The following OR6J1 variants were observed in gnomAD, a reference collection of about 807,000 sequenced individuals.
OR6J1 encodes the protein olfactory receptor 6J1.
For missense variants in OR6J1, 304 were observed against 166.8 expected (o/e 1.82, Z -4.53); for synonymous variants, 109 against 70.0 (o/e 1.56, Z -2.78).
At position 22,634,305 on chromosome 14, in the gene OR6J1, G is replaced by C; in HGVS notation, c.507C>G (p.Gly169=). 1.4e-6 allele frequency: 1 copy of C among 703,392 alleles called. No individual in the cohort carries two copies. The allele number at this position is 703,392 out of a possible 1,614,324, so 43.6% of individuals were successfully genotyped here. A position where few individuals can be genotyped will look rare whatever the true frequency, so the allele number is the denominator to read the frequency against. ...AGAAGAAGTGGTTAATGATATTGGAGCCACAGAAGGGCAGCTGGGAGATGA... is the reference window on the plus strand; with the variant it reads ...AGAAGAAGTGGTTAATGATATTGGACCCACAGAAGGGCAGCTGGGAGATGA... ...TILISQLPFC[G]SNIINHFFCD... The change falls in exon 2 of 2, where the codon GGC becomes GGG. Residue 169 remains glycine, a synonymous_variant. Coordinates refer to ENST00000540461, the MANE Select transcript of OR6J1 (RefSeq NM_001348233.2).
At chr14:22,641,515 G>T in intron 1 of OR6J1, among the ~76,000 whole-genome samples, 1 of 123,042 alleles carries the variant, frequency 8.1e-6, no homozygotes, top group African/African-American at 3.1e-5. Context: ...AAGAAAGGAG[G>T]GAGGGAAGAA....
chr14:22,635,933 T>C (rs2037580369), intron 1 of OR6J1, among the ~76,000 whole-genome samples: 1 of 152,060 alleles, frequency 6.6e-6, no homozygotes, highest in Non-Finnish European at 1.5e-5. Context: ...AAAATATTAA[T>C]AAATTAAGCT....
At position 22,634,113 on chromosome 14, in the gene OR6J1, C is replaced by T. The variant is rs757574089; in HGVS notation, c.699G>A (p.Arg233=). 3 of 703,156 alleles carry T rather than the reference C, an allele frequency of 4.3e-6. No homozygotes were observed. The highest frequency in any genetic ancestry group is 7.8e-6 in the Non-Finnish European group (3 of 384,926). 43.6% of individuals were successfully genotyped at this position (703,156 alleles called of 1,614,324 possible). A position where few individuals can be genotyped will look rare whatever the true frequency, so the allele number is the denominator to read the frequency against. Reference sequence around the variant, plus strand: ...AAGCACAGGTATTAAAGGCCTTCTTCCTTCCACTTGCAGAAGGAATGCGCA... The same window carrying T: ...AAGCACAGGTATTAAAGGCCTTCTTTCTTCCACTTGCAGAAGGAATGCGCA... ...TIVRIPSASG[R]KKAFNTCASH... is the part of the protein sequence containing the mutation. The change falls in exon 2 of 2, where the codon AGG becomes AGA. Residue 233 remains arginine, a synonymous_variant. Transcript: ENST00000540461.
intron 1 of OR6J1, among the ~76,000 whole-genome samples, chr14:22,643,754 C>CAGAG (rs1594904768): frequency 2.8e-4 from 26 of 93,130 alleles, no homozygotes; most frequent in African/African-American, 8.5e-4. Context: ...CACACACACA[C>CAGAG]ACACACACAC....
chr14:22,637,535 AG>A (rs1171551425), intron 1 of OR6J1, among the ~76,000 whole-genome samples: 6 of 12,432 alleles, frequency 4.8e-4, no homozygotes, highest in Admixed American at 1.8e-3. Context: ...GGGAGGGGGG[AG>A]GGGGGGTCAG....
intron 1 of OR6J1, among the ~76,000 whole-genome samples, chr14:22,638,888 TCCCAGCCGCCATCACATCTA>T: frequency 1.1e-5 from 1 of 94,880 alleles, no homozygotes; most frequent in Non-Finnish European, 2.2e-5. Context: ...GAGCGCCTCT[TCCCAGCCGCCATCACATCTA>T]GGAAGTGAGG....
intron 1 of OR6J1, among the ~76,000 whole-genome samples, chr14:22,643,764 C>CAGAGAG (rs1233027589): frequency 0.011 from 418 of 37,684 alleles, 15 homozygotes; most frequent in South Asian, 0.037. Flanking sequence ...CACACACACA[C>CAGAGAG]AGAGAGAGAG....
At chr14:22,641,763 CTGATTTCAGAAA>C (rs1228224257) in intron 1 of OR6J1, among the ~76,000 whole-genome samples, 1 of 152,098 alleles carries the variant, frequency 6.6e-6, no homozygotes, top group Non-Finnish European at 1.5e-5. Context: ...GTGAAGAAAC[CTGATTTCAGAAA>C]AATCACAGAA....
At position 22,633,811 on chromosome 14, in the gene OR6J1, C is replaced by G; in HGVS notation, c.1001G>C (p.Cys334Ser). ...SSNKDHQGRA[C>S]SSPPCVYSVK... ...AGAATAGACACATGGTGGAGAAGAG[C>G]AAGCCCTTCCTTGGTGGTCTTTGTT... Residue 334 changes from cysteine (C) to serine (S), a missense_variant, in exon 2 of 2, where the codon TGC (cysteine) becomes TCC (serine). Transcript: ENST00000540461. 1.4e-6 allele frequency: 1 copy of G among 699,958 alleles called. No individual in the cohort carries two copies. Among genetic ancestry groups the G allele is most frequent in the African/African-American group, 1.7e-5 (1 of 57,336 alleles). The allele number at this position is 699,958 out of a possible 1,614,324, so 43.4% of individuals were successfully genotyped here. A position where few individuals can be genotyped will look rare whatever the true frequency, so the allele number is the denominator to read the frequency against.
intron 1 of OR6J1, among the ~76,000 whole-genome samples, chr14:22,641,219 A>C: frequency 3.9e-5 from 1 of 25,458 alleles, no homozygotes; most frequent in South Asian, 1.4e-3. Flanking sequence ...ATAAGAAAGA[A>C]AGAAAGAAAG....
rs530743522 is a variant in OR6J1, at chr14:22,634,714, G to T, written c.98C>A (p.Thr33Lys). The T allele has an allele frequency of 5.6e-6, 4 of 717,074 alleles. No homozygotes were observed. The highest frequency in any genetic ancestry group is 5.2e-5 in the East Asian group (2 of 38,304). The allele number at this position is 717,074 out of a possible 1,614,324, so 44.4% of individuals were successfully genotyped here. A position where few individuals can be genotyped will look rare whatever the true frequency, so the allele number is the denominator to read the frequency against. The change falls in exon 2 of 2, where the codon ACG becomes AAG. Residue 33 changes from threonine to lysine, a missense_variant. Coordinates refer to ENST00000540461, the MANE Select transcript of OR6J1 (RefSeq NM_001348233.2). ...ELLLLVLLLP[T>K]FLLTLLGNLL... ...GTTCCCCAGAAGAGTCAGCAGGAACGTGGGCAGCAGGAGCACCAGGAGCAG... is the reference window on the plus strand; with the variant it reads ...GTTCCCCAGAAGAGTCAGCAGGAACTTGGGCAGCAGGAGCACCAGGAGCAG...
rs1387612876 is a variant in OR6J1 at position 22,634,248 on chromosome 14, A to C, written c.564T>G (p.Cys188Trp). ...CDSGPLLALA[C>W]ADTTAIELMD... Reference sequence around the variant, plus strand: ...TCAGCTCGATGGCAGTGGTGTCTGCACAGGCCAGGGCCAGCAAGGGTCCAC... The same window carrying C: ...TCAGCTCGATGGCAGTGGTGTCTGCCCAGGCCAGGGCCAGCAAGGGTCCAC... Residue 188 changes from cysteine (C) to tryptophan (W), a missense_variant, in exon 2 of 2, where the codon TGT becomes TGG. Transcript: ENST00000540461. 2 of 703,380 alleles carry C rather than the reference A, an allele frequency of 2.8e-6. No individual in the cohort carries two copies. The highest frequency in any genetic ancestry group is 3.0e-5 in the South Asian group (2 of 67,592). The allele number at this position is 703,380 out of a possible 1,614,324, so 43.6% of individuals were successfully genotyped here. A position where few individuals can be genotyped will look rare whatever the true frequency, so the allele number is the denominator to read the frequency against.
In OR6J1 at chr14:22,633,690, C is replaced by T. The variant is rs1594900688; in HGVS notation, c.*78G>A. 4.0e-5 allele frequency: 24 copies of T among 602,112 alleles called. No homozygotes were observed. The highest frequency in any genetic ancestry group is 2.4e-4 in the South Asian group (12 of 50,214). 37.3% of individuals were successfully genotyped at this position (602,112 alleles called of 1,614,324 possible). A position where few individuals can be genotyped will look rare whatever the true frequency, so the allele number is the denominator to read the frequency against. On this transcript the variant is annotated 3_prime_UTR_variant, in exon 2 of 2. Transcript: ENST00000540461. ...AGGCCAGCGTTCAAGTCTCTGTCTC[C>T]GCAGTCAGTCTTTCCACTATAGACT...
rs1318601862 is a variant in OR6J1, at chr14:22,641,283, AAG to A, written c.-28+2813_-28+2814del. On this transcript the variant is annotated intron_variant, in intron 1 of 1. Coordinates refer to ENST00000540461, the MANE Select transcript of OR6J1 (RefSeq NM_001348233.2). The stretch of plus-strand genomic sequence containing the variant: ...AAAGAAAGAAAGGAAGGAAGGAAGA[AAG>A]AGAAGAAAGAGAGACAGAGAGGAAA... 3.6e-3 allele frequency among the ~76,000 whole-genome samples: 320 copies of A among 88,490 alleles called. 19 individuals carry two copies. Among genetic ancestry groups the A allele is most frequent in the African/African-American group, 0.013 (294 of 23,136 alleles). The allele number at this position is 88,490 out of a possible 152,430, so 58.1% of individuals were successfully genotyped here.
intron 1 of OR6J1, among the ~76,000 whole-genome samples, chr14:22,641,194 G>C (rs1241549486): frequency 2.0e-5 from 1 of 50,630 alleles, no homozygotes; most frequent in African/African-American, 1.3e-4. Flanking sequence ...AAGAGAGACA[G>C]AGAGGGAGAG....
chr14:22,631,818 G>A lies in OR6J1; in HGVS notation c.*1950C>T, dbSNP rs1445817342. The A allele has an allele frequency of 6.5e-6, 1 of 153,772 alleles. No individual in the cohort carries two copies. The highest frequency in any genetic ancestry group is 1.5e-5 in the Non-Finnish European group (1 of 68,714). 9.5% of individuals were successfully genotyped at this position (153,772 alleles called of 1,614,324 possible). The stretch of plus-strand genomic sequence containing the variant: ...GCCTGACTTCCCGCAACACTAGTTA[G>A]CTCACCTCCAGCTTCCCCATGCCAA... On this transcript the variant is annotated 3_prime_UTR_variant, in exon 2 of 2. Transcript: ENST00000540461.
chr14:22,642,312 A>AATATATATATATATATAT lies in OR6J1; in HGVS notation c.-28+1768_-28+1785dup, dbSNP rs71421135. ...TGTCCATCACCACAATCAACTTAAG[A>AATATATATATATATATAT]ATATATATATATATATATATATATA... On this transcript the variant is annotated intron_variant, in intron 1 of 1. Transcript: ENST00000540461. Among the ~76,000 whole-genome samples the AATATATATATATATATAT allele has an allele frequency of 5.2e-3, 567 of 108,936 alleles. 12 individuals carry two copies. Among genetic ancestry groups the AATATATATATATATATAT allele is most frequent in the African/African-American group, 6.7e-3 (163 of 24,382 alleles). 71.5% of individuals were successfully genotyped at this position (108,936 alleles called of 152,430 possible).
rs2037563630 is a variant in OR6J1, at chr14:22,633,841, G to A, written c.971C>T (p.Ser324Phe). 2.8e-6 allele frequency: 2 copies of A among 702,626 alleles called. No individual in the cohort carries two copies. The highest frequency in any genetic ancestry group is 1.7e-5 in the African/African-American group (1 of 57,346). 43.5% of individuals were successfully genotyped at this position (702,626 alleles called of 1,614,324 possible). The change falls in exon 2 of 2, where the codon TCC becomes TTC. Residue 324 changes from serine to phenylalanine, a missense_variant. Ser to Phe is a radical substitution (Grantham distance 155, BLOSUM62 -2). Coordinates refer to ENST00000540461, the MANE Select transcript of OR6J1 (RefSeq NM_001348233.2). ...CCTTCCTTGGTGGTCTTTGTTGGAG[G>A]ATAATCTGCTTCTCAGCACTGCCCT... The part of the protein sequence containing the change: ...RMRAVLRSRL[S>F]SNKDHQGRAC...
rs71421136 is a variant in OR6J1, at chr14:22,643,762, C to CAGAGAG, written c.-28+335_-28+336insCTCTCT. 8.4e-3 allele frequency among the ~76,000 whole-genome samples: 447 copies of CAGAGAG among 53,056 alleles called. 3 individuals carry two copies. Among genetic ancestry groups the CAGAGAG allele is most frequent in the East Asian group, 0.024 (28 of 1,146 alleles). The allele number at this position is 53,056 out of a possible 152,430, so 34.8% of individuals were successfully genotyped here. On this transcript the variant is annotated intron_variant, in intron 1 of 1. Transcript: ENST00000540461. Reference sequence around the variant, plus strand: ...ACACACACACACACACACACACACACACAGAGAGAGAGAGAGAGAGAGAGA... The same window carrying CAGAGAG: ...ACACACACACACACACACACACACACAGAGAGACAGAGAGAGAGAGAGAGAGAGAGA...
Sources: allele counts gnomAD v4.1 joint callset (sites outside exome capture counted in the v4.1 genomes callset), GRCh38; gene constraint gnomAD v4.1.1; transcripts MANE v1.5; gene names NCBI Gene and HGNC (gene_info 2026-07-23, HGNC 2026-07-21).